NRXN3: variants seen among roughly 807,000 people sequenced by gnomAD.
NRXN3 encodes neurexin 3.
NRXN3 carries 32 observed loss-of-function variants against 137.6 expected under a neutral mutation model. The observed-to-expected ratio is 0.23, with a 90% CI of 0.18 to 0.31. NRXN3 has a LOEUF of 0.31. NRXN3 is among the 10% of genes least tolerant of loss of function. NRXN3 has a pLI of 1.00. For synonymous variants in NRXN3, 798 were observed against 784.5 expected, an observed-to-expected ratio of 1.02 and a Z score of -0.29; for missense variants, 1,574 against 2,062.5, an observed-to-expected ratio of 0.76 and a Z score of 4.59.
intron 8 of NRXN3, among the ~76,000 whole-genome samples, chr14:78,797,511 A>G (rs2098825703): frequency 6.6e-6 from 1 of 152,240 alleles, no homozygotes; most frequent in Admixed American, 6.5e-5. Flanking sequence ...ACAATGATTC[A>G]TCAAGTAGAT....
chr14:78,647,288 C>T (rs1406123187), intron 5 of NRXN3, among the ~76,000 whole-genome samples: 6 of 152,210 alleles, frequency 3.9e-5, no homozygotes, highest in South Asian at 2.1e-4. Context: ...ATGTTTTTCC[C>T]GCCCCTGCCC....
At chr14:78,588,329 T>C (rs1217916884) in intron 4 of NRXN3, among the ~76,000 whole-genome samples, 1 of 152,262 alleles carries the variant, frequency 6.6e-6, no homozygotes, top group Non-Finnish European at 1.5e-5. Flanking sequence ...ATTGTTGACA[T>C]ATACATTTTC....
intron 1 of NRXN3, among the ~76,000 whole-genome samples, chr14:78,223,711 G>A (rs2064128567): frequency 6.6e-6 from 1 of 152,176 alleles, no homozygotes; most frequent in South Asian, 2.1e-4. Flanking sequence ...GAGGGATAGG[G>A]GGACAAAGGG....
At chr14:78,589,148 G>A (rs1354901456) in intron 4 of NRXN3, among the ~76,000 whole-genome samples, 3 of 152,158 alleles carry the variant, frequency 2.0e-5, no homozygotes, top group East Asian at 3.9e-4. Context: ...TGCCAGCCAG[G>A]AGTCTCAGGC....
intron 15 of NRXN3, among the ~76,000 whole-genome samples, chr14:78,988,619 CA>C (rs1293766313): frequency 2.0e-5 from 3 of 152,142 alleles, no homozygotes; most frequent in African/African-American, 7.2e-5. Context: ...TTACAAATGA[CA>C]AAGACATTCA....
chr14:78,781,768 TA>T (rs2098770641), intron 8 of NRXN3, among the ~76,000 whole-genome samples: 1 of 152,242 alleles, frequency 6.6e-6, no homozygotes. Flanking sequence ...GAACAATATA[TA>T]ATCTCTTCTT....
intron 4 of NRXN3, among the ~76,000 whole-genome samples, chr14:78,629,784 G>T (rs769793233): frequency 7.9e-5 from 12 of 152,072 alleles, no homozygotes; most frequent in African/African-American, 2.9e-4. Flanking sequence ...ATTCTCAAAG[G>T]GAGTTCACCT....
intron 15 of NRXN3, among the ~76,000 whole-genome samples, chr14:79,174,501 T>TTATATATATA (rs68143466): frequency 0.16 from 22,782 of 143,144 alleles, 2,220 homozygotes; most frequent in Admixed American, 0.26. Context: ...ATTGAAAGTT[T>TTATATATATA]TATATATATA....
In NRXN3 at chr14:79,137,622, CT is replaced by C. The variant is rs566174438; in HGVS notation, c.3262+149484del. Among the ~76,000 whole-genome samples the C allele has an allele frequency of 6.1e-4, 92 of 152,046 alleles. 1 individual carries two copies. Among genetic ancestry groups the C allele is most frequent in the Non-Finnish European group, 1.2e-3 (83 of 68,006 alleles). On this transcript the variant is annotated intron_variant, in intron 15 of 20. Coordinates refer to ENST00000335750, the MANE Select transcript of NRXN3 (RefSeq NM_001330195.2). ...GTACATTACAGTTTTATAGTAGTGC[CT>C]TTATTTTCTCTTGTTCTTCTACAAA...
intron 4 of NRXN3, among the ~76,000 whole-genome samples, chr14:78,464,541 A>C (rs2095039550): frequency 3.3e-5 from 5 of 152,228 alleles, no homozygotes; most frequent in Admixed American, 3.3e-4. Context: ...AGTCTGACTT[A>C]ATCTCTCTCT....
At chr14:79,060,004 T>G (rs2152653098) in intron 15 of NRXN3, among the ~76,000 whole-genome samples, 1 of 152,342 alleles carries the variant, frequency 6.6e-6, no homozygotes, top group African/African-American at 2.4e-5. Flanking sequence ...ACAGAATTTT[T>G]TTGGGTGAAC....
rs1407518736 is a variant in NRXN3, at chr14:78,672,413, A to G, written c.1221+21087A>G. On this transcript the variant is annotated intron_variant, in intron 6 of 20. Coordinates refer to ENST00000335750, the MANE Select transcript of NRXN3 (RefSeq NM_001330195.2). ...GCACTATGGCTACCATGTATTAAGT[A>G]CATGCAGTCAGTGCTGAATTGATTA... 2.0e-5 allele frequency among the ~76,000 whole-genome samples: 3 copies of G among 152,336 alleles called. No individual in the cohort carries two copies. The East Asian group carries it at 5.8e-4, about 29-fold the overall frequency.
chr14:79,518,844 C>T (rs2097026206), intron 16 of NRXN3, among the ~76,000 whole-genome samples: 1 of 152,052 alleles, frequency 6.6e-6, no homozygotes, highest in African/African-American at 2.4e-5. Context: ...CATATACATC[C>T]CTATGGTTTC....
intron 6 of NRXN3, among the ~76,000 whole-genome samples, chr14:78,672,073 A>G (rs1027484303): frequency 2.6e-5 from 4 of 152,232 alleles, no homozygotes; most frequent in African/African-American, 7.2e-5. Context: ...TGCAAAAAAT[A>G]TACAGAACTT....
chr14:79,092,477 G>T (rs1005807131), intron 15 of NRXN3, among the ~76,000 whole-genome samples: 7 of 151,994 alleles, frequency 4.6e-5, no homozygotes, highest in Non-Finnish European at 5.9e-5. Flanking sequence ...TTACAAACAG[G>T]AACGTGCATG....
intron 10 of NRXN3, among the ~76,000 whole-genome samples, chr14:78,899,188 C>T (rs530670019): frequency 1.3e-5 from 2 of 151,900 alleles, no homozygotes; most frequent in East Asian, 3.9e-4. Flanking sequence ...TTTGGGAAAA[C>T]AGGAAGAGAG....
chr14:79,194,908 A>G (rs531242121), intron 15 of NRXN3, among the ~76,000 whole-genome samples: 1 of 152,164 alleles, frequency 6.6e-6, no homozygotes, highest in African/African-American at 2.4e-5. Context: ...AATTTAAGGG[A>G]GTTATTTTCT....
intron 4 of NRXN3, among the ~76,000 whole-genome samples, chr14:78,491,391 G>A (rs1471521906): frequency 6.6e-6 from 1 of 152,190 alleles, no homozygotes; most frequent in Non-Finnish European, 1.5e-5. Context: ...GGCAGGGGAT[G>A]CGCTCTTTGT....
intron 19 of NRXN3, among the ~76,000 whole-genome samples, chr14:79,764,336 T>C (rs777882073): frequency 7.4e-4 from 112 of 152,266 alleles, no homozygotes; most frequent in Non-Finnish European, 1.1e-3. Flanking sequence ...AGAAAAAGAT[T>C]TTCCCCAAAG....
Sources: allele counts gnomAD v4.1 joint callset (sites outside exome capture counted in the v4.1 genomes callset), GRCh38; gene constraint gnomAD v4.1.1; transcripts MANE v1.5; gene names NCBI Gene and HGNC (gene_info 2026-07-23, HGNC 2026-07-21).